Variants in TLR1 observed in about 807,000 individuals in gnomAD.
The protein encoded by TLR1 is toll-like receptor 1.
In TLR1, 19 loss-of-function variants were observed where a neutral mutation model predicts 20.2. That is an observed-to-expected ratio of 0.94 (90% CI 0.66 to 1.38). The LOEUF (loss-of-function observed/expected upper bound fraction) is 1.38. Ranked by LOEUF, TLR1 falls within the 40% of genes most tolerant of loss-of-function variation. TLR1 has a pLI of 0.00. For synonymous variants in TLR1, 320 were observed against 334.5 expected (o/e 0.96, Z 0.47); for missense variants, 921 against 910.0 (o/e 1.01, Z -0.16).
At chr4:38,792,855 A>C (rs543312547), downstream of TLR1, among the ~76,000 whole-genome samples, 2 of 117,230 alleles carry the variant, frequency 1.7e-5, no homozygotes, top group East Asian at 4.4e-4. Flanking sequence ...TTTTCAAATT[A>C]TATATATATA....
At chr4:38,792,085 T>C (rs1040842654), downstream of TLR1, among the ~76,000 whole-genome samples, 4 of 152,240 alleles carry the variant, frequency 2.6e-5, no homozygotes, top group African/African-American at 7.2e-5. Flanking sequence ...ATGCCCATTT[T>C]ATAGATGAGA....
At position 38,797,984 on chromosome 4, in the gene TLR1, A is replaced by C. The variant is rs1346236949; in HGVS notation, c.848T>G (p.Leu283Arg). 1 of 1,614,076 alleles carries C rather than the reference A, an allele frequency of 6.2e-7. No individual in the cohort carries two copies. The highest frequency in any genetic ancestry group is 8.5e-7 in the Non-Finnish European group (1 of 1,180,042). ...VWYFSISNVKLQGQLDFRDFD... is the reference protein window; with the variant it reads ...VWYFSISNVKRQGQLDFRDFD... ...ATCTCTGAAGTCCAGCTGACCCTGTAGCTTCACGTTTGAAATTGAGAAATA... is the reference window on the plus strand; with the variant it reads ...ATCTCTGAAGTCCAGCTGACCCTGTCGCTTCACGTTTGAAATTGAGAAATA... The change falls in exon 4 of 4, where the codon CTA becomes CGA. Residue 283 changes from leucine (L) to arginine (R), a missense_variant. Leu to Arg is a moderately radical substitution (Grantham distance 102, BLOSUM62 -2). Coordinates refer to ENST00000308979, the MANE Select transcript of TLR1 (RefSeq NM_003263.4).
At chr4:38,790,517 ATTG>A (rs375947846), downstream of TLR1, among the ~76,000 whole-genome samples, 26 of 151,948 alleles carry the variant, frequency 1.7e-4, no homozygotes, top group East Asian at 4.8e-3. Context: ...AGCTTTTACT[ATTG>A]TTGTTCCTGA....
At chr4:38,789,591 T>C (rs1045678974), downstream of TLR1, among the ~76,000 whole-genome samples, 2 of 152,064 alleles carry the variant, frequency 1.3e-5, no homozygotes, top group Admixed American at 1.3e-4. Context: ...GCCTCCCAAG[T>C]AGCTGAGATT....
Position 38,796,513 on chromosome 4 carries a change from C to A in TLR1, c.2319G>T (p.Arg773Ser). The A allele has an allele frequency of 6.2e-7, 1 of 1,613,772 alleles. No individual in the cohort carries two copies. Among genetic ancestry groups the A allele is most frequent in the South Asian group, 1.1e-5 (1 of 91,056 alleles). ...CTGTCAGCTTAATATTAATGGCTGC[C>A]CTTAAGTTAGCCCAAAAAAGGCCAC... is the stretch of plus-strand genomic sequence containing the variant. ...SKRGLFWANLRAAINIKLTEQ... is the reference protein window; with the variant it reads ...SKRGLFWANLSAAINIKLTEQ... Residue 773 changes from arginine to serine, a missense_variant, in exon 4 of 4, where the codon AGG becomes AGT. Physicochemically the swap from Arg to Ser is moderately radical, Grantham distance 110. Transcript: ENST00000308979.
At position 38,797,479 on chromosome 4, in the gene TLR1, A is replaced by G. The variant is rs1469381310; in HGVS notation, c.1353T>C (p.Asp451=). 12 of 1,614,214 alleles carry G rather than the reference A, an allele frequency of 7.4e-6. No homozygotes were observed. The highest frequency in any genetic ancestry group is 1.0e-5 in the Non-Finnish European group (12 of 1,180,036). ...RCLPPRIKVL[D]LHSNKIKSIP... ...TGCTCTTTATTTTATTGCTGTGAAG[A>G]TCAAGTACCTTGATCCTGGGAGGTA... The change falls in exon 4 of 4, where the codon GAT becomes GAC. Residue 451 remains aspartate (D), a synonymous_variant. Transcript: ENST00000308979.
In TLR1 at chr4:38,800,479, C is replaced by T. The variant is rs534806635; in HGVS notation, c.-68+378G>A. The T allele has an allele frequency of 2.6e-5, 4 of 152,236 alleles. No individual in the cohort carries two copies. The South Asian group carries it at 8.3e-4, about 32-fold the overall frequency. 9.4% of individuals were successfully genotyped at this position (152,236 alleles called of 1,614,324 possible). A position where few individuals can be genotyped will look rare whatever the true frequency, so the allele number is the denominator to read the frequency against. On this transcript the variant is annotated intron_variant, in intron 3 of 3. Coordinates refer to ENST00000308979, the MANE Select transcript of TLR1 (RefSeq NM_003263.4). ...TGGTAGGCACTGTTCTAGGTTATGC[C>T]TATTGTACCAGTATTCAAACTGCTC...
At chr4:38,801,376 A>G (rs1312538814) in intron 2 of TLR1, among the ~76,000 whole-genome samples, 1 of 152,254 alleles carries the variant, frequency 6.6e-6, no homozygotes, top group Non-Finnish European at 1.5e-5. Flanking sequence ...TTAGACTTCT[A>G]CCTTCCAGAA....
downstream of TLR1, among the ~76,000 whole-genome samples, chr4:38,792,853 T>TTACATATATATATATATATATATATA (rs1725795710): frequency 8.2e-6 from 1 of 122,218 alleles, no homozygotes; most frequent in Non-Finnish European, 1.8e-5. Context: ...TATTTTCAAA[T>TTACATATATATATATATATATATATA]TATATATATA....
At chr4:38,788,150 G>A (rs575786782), downstream of TLR1, among the ~76,000 whole-genome samples, 1 of 152,118 alleles carries the variant, frequency 6.6e-6, no homozygotes, top group South Asian at 2.1e-4. Flanking sequence ...AGAGAGAAAT[G>A]GAAGAGAAAA....
chr4:38,798,140 G>T lies in TLR1; in HGVS notation c.692C>A (p.Ser231Tyr). 6.2e-7 allele frequency: 1 copy of T among 1,613,884 alleles called. No homozygotes were observed. The highest frequency in any genetic ancestry group is 8.5e-7 in the Non-Finnish European group (1 of 1,179,842). Residue 231 changes from serine to tyrosine, a missense_variant, in exon 4 of 4, where the codon TCT becomes TAT. Ser to Tyr is a moderately radical substitution (Grantham distance 144). Transcript: ENST00000308979. ...IKCVLEDNKC[S>Y]YFLSILAKLQ... is the part of the protein sequence containing the mutation. ...TTTCGCCAGAATACTTAGGAAGTAAGAACATTTGTTATCTTCTAGCACACA... is the reference window on the plus strand; with the variant it reads ...TTTCGCCAGAATACTTAGGAAGTAATAACATTTGTTATCTTCTAGCACACA...
At chr4:38,803,019 G>A (rs1726779166) in intron 2 of TLR1, among the ~76,000 whole-genome samples, 1 of 152,136 alleles carries the variant, frequency 6.6e-6, no homozygotes, top group African/African-American at 2.4e-5. Context: ...ACACAGCTCG[G>A]CTTGCTTGTA....
downstream of TLR1, among the ~76,000 whole-genome samples, chr4:38,795,800 A>T (rs1726008439): frequency 6.6e-6 from 1 of 152,244 alleles, no homozygotes; most frequent in African/African-American, 2.4e-5. Context: ...GGACAACCAG[A>T]ATTTTATCCT....
chr4:38,788,883 A>G (rs1372331419), downstream of TLR1, among the ~76,000 whole-genome samples: 3 of 152,032 alleles, frequency 2.0e-5, no homozygotes, highest in Admixed American at 1.3e-4. Flanking sequence ...TGGCATGCCC[A>G]TATTCCTAGC....
At chr4:38,788,786 C>G (rs371607294), downstream of TLR1, among the ~76,000 whole-genome samples, 51 of 152,212 alleles carry the variant, frequency 3.4e-4, no homozygotes, top group African/African-American at 1.2e-3. Flanking sequence ...GCAGGAGGAT[C>G]CTTTGAAGCC....
Position 38,798,682 on chromosome 4 carries a change from T to C in TLR1, c.150A>G (p.Leu50=), listed in dbSNP as rs545457389. The C allele has an allele frequency of 6.2e-7, 1 of 1,614,090 alleles. No individual in the cohort carries two copies. The highest frequency in any genetic ancestry group is 2.2e-5 in the East Asian group (1 of 44,874). Residue 50 remains leucine (L), a synonymous_variant, in exon 4 of 4, where the codon TTA becomes TTG. Coordinates refer to ENST00000308979, the MANE Select transcript of TLR1 (RefSeq NM_003263.4). ...CAGATATATAATTTTGCGATATATT[T>C]AAGATTGTTGTTTTCTGGGATAGGT... ...PKDLSQKTTI[L]NISQNYISEL...
In TLR1 at chr4:38,800,871, G is replaced by A. The variant is rs1261508440; in HGVS notation, c.-82C>T. On this transcript the variant is annotated 5_prime_UTR_variant, in exon 3 of 4. Coordinates refer to ENST00000308979, the MANE Select transcript of TLR1 (RefSeq NM_003263.4). ...CTTGGACTTACCCTTTTGTAGGGGT[G>A]CCCAATATGCCTTTGTTATCCTGAT... The A allele has an allele frequency of 6.6e-6, 1 of 152,638 alleles. No individual in the cohort carries two copies. Among genetic ancestry groups the A allele is most frequent in the Non-Finnish European group, 1.5e-5 (1 of 68,036 alleles). 9.5% of individuals were successfully genotyped at this position (152,638 alleles called of 1,614,324 possible). A position where few individuals can be genotyped will look rare whatever the true frequency, so the allele number is the denominator to read the frequency against.
chr4:38,798,118 C>T lies in TLR1; in HGVS notation c.714G>A (p.Ala238=), dbSNP rs146940675. 2.7e-5 allele frequency: 44 copies of T among 1,613,464 alleles called. No homozygotes were observed. The highest frequency in any genetic ancestry group is 9.3e-5 in the African/African-American group (7 of 74,890). ...NKCSYFLSIL[A]KLQTNPKLSN... ...ATAACTTTGGATTTGTTTGAAGTTT[C>T]GCCAGAATACTTAGGAAGTAAGAAC... is the stretch of plus-strand genomic sequence containing the variant. Residue 238 remains alanine (A), a synonymous_variant, in exon 4 of 4, where the codon GCG becomes GCA. Coordinates refer to ENST00000308979, the MANE Select transcript of TLR1 (RefSeq NM_003263.4).
rs1168995042 is a variant in TLR1, at chr4:38,797,343, T to C, written c.1489A>G (p.Ile497Val). The C allele has an allele frequency of 3.7e-6, 6 of 1,614,020 alleles. No individual in the cohort carries two copies. Among genetic ancestry groups the C allele is most frequent in the East Asian group, 2.2e-5 (1 of 44,896 alleles). ...GSFSSLSVLIIDHNSVSHPSA... is the reference protein window; with the variant it reads ...GSFSSLSVLIVDHNSVSHPSA... ...GGGTGGGAAACTGAATTGTGATCAA[T>C]GATCAATACAGAAAGGCTGCTAAAG... Residue 497 changes from isoleucine to valine, a missense_variant, in exon 4 of 4, where the codon ATT (isoleucine) becomes GTT (valine). Transcript: ENST00000308979.
Sources: allele counts gnomAD v4.1 joint callset (sites outside exome capture counted in the v4.1 genomes callset), GRCh38; gene constraint gnomAD v4.1.1; transcripts MANE v1.5; gene names NCBI Gene and HGNC (gene_info 2026-07-23, HGNC 2026-07-21).